Variants in DIS3 observed in about 807,000 individuals in gnomAD.
DIS3 encodes DIS3 exosome endoribonuclease and 3'-5' exoribonuclease.
DIS3 carries 103 observed loss-of-function variants against 113.0 expected under a neutral mutation model. That is an observed-to-expected ratio of 0.91 (90% CI 0.78 to 1.07). The LOEUF is 1.07. Among genes scored for constraint, DIS3 ranks in the 50% least tolerant of loss-of-function variants. The pLI is 0.00. For missense variants in DIS3, 1,121 were observed against 1,167.1 expected, an observed-to-expected ratio of 0.96 and a Z score of 0.58; for synonymous variants, 402 against 394.3, an observed-to-expected ratio of 1.02 and a Z score of -0.23.
intron 8 of DIS3, 78 bp downstream of exon 8, chr13:72,773,606 G>GT (rs2033936834): frequency 1.4e-6 from 2 of 1,450,666 alleles, no homozygotes; most frequent in South Asian, 1.4e-5. Context: ...AAAGTAGATT[G>GT]TTTTTATTAA....
Position 72,780,856 on chromosome 13 carries a change from C to T in DIS3, c.376G>A (p.Glu126Lys), listed in dbSNP as rs550068446. The change falls in exon 2 of 21, where the codon GAG (glutamate) becomes AAG (lysine). Residue 126 changes from glutamate to lysine, a missense_variant. Glu to Lys is a moderately conservative substitution (Grantham distance 56, BLOSUM62 1). Around this residue, in one of 3 missense-constraint regions of DIS3, gnomAD observed 254 missense variants for 232.2 expected, o/e 1.09. Transcript: ENST00000377767. The part of the protein sequence containing the change: ...QEKHFYTFTN[E>K]HHRETYVEQE... The stretch of plus-strand genomic sequence containing the variant: ...TAATATTCCTCCTACCTATGGTGCT[C>T]ATTAGTGAAAGTATAGAAATGCTTC... 6.2e-7 allele frequency: 1 copy of T among 1,606,920 alleles called. No individual in the cohort carries two copies. The highest frequency in any genetic ancestry group is 1.3e-5 in the African/African-American group (1 of 74,330).
At chr13:72,772,608 A>G in intron 9 of DIS3, 85 bp downstream of exon 9, 1 of 1,413,528 alleles carries the variant, frequency 7.1e-7, no homozygotes, top group East Asian at 2.4e-5. Context: ...TGGTGTCTAC[A>G]TATTTAAAAA....
At position 72,763,598 on chromosome 13, in the gene DIS3, A is replaced by G. The variant is rs1366500708; in HGVS notation, c.1980T>C (p.Asn660=). Reference sequence around the variant, plus strand: ...GTAACATAAATTCTTCAACCATGGAATTTGTTTCCCTGCCAATGGAAAAAG... The same window carrying G: ...GTAACATAAATTCTTCAACCATGGAGTTTGTTTCCCTGCCAATGGAAAAAG... ...DLQTKELRET[N]SMVEEFMLLA... is the part of the protein sequence containing the mutation. Residue 660 remains asparagine (N), a synonymous_variant, in exon 16 of 21, where the codon AAT becomes AAC. Transcript: ENST00000377767. 3 of 1,610,598 alleles carry G rather than the reference A, an allele frequency of 1.9e-6. No individual in the cohort carries two copies. Among genetic ancestry groups the G allele is most frequent in the Admixed American group, 3.4e-5 (2 of 59,342 alleles).
chr13:72,753,627 C>T lies in DIS3; in HGVS notation c.*6168G>A, dbSNP rs2033342796. The T allele has an allele frequency of 2.0e-6, 3 of 1,504,976 alleles. No individual in the cohort carries two copies. In the East Asian group the frequency reaches 6.8e-5, roughly 34 times the overall value. 93.2% of individuals were successfully genotyped at this position (1,504,976 alleles called of 1,614,324 possible). A position where few individuals can be genotyped will look rare whatever the true frequency, so the allele number is the denominator to read the frequency against. On this transcript the variant is annotated 3_prime_UTR_variant, in exon 21 of 21. Transcript: ENST00000377767. ...GTGAATGAGAGTTTATAGTGGTTTA[C>T]TTATTTAAATATTTGACTTTTAAGT...
chr13:72,760,547 C>T lies in DIS3; in HGVS notation c.2775G>A (p.Met925Ile). Residue 925 changes from methionine (M) to isoleucine (I), a missense_variant, in exon 20 of 21, where the codon ATG becomes ATA. By Grantham distance (10) the Met-to-Ile change is conservative. Around this residue, in one of 3 missense-constraint regions of DIS3, gnomAD observed 861 missense variants for 915.5 expected, o/e 0.94. Transcript: ENST00000377767. ...GCCTTACCTGTGGTTCTACCAGGGA[C>T]ATTCGGATCTTCTGATGTTGAAGAT... ...SSNLQHQKIR[M>I]SLVEPQIPGI... 6.2e-7 allele frequency: 1 copy of T among 1,613,586 alleles called. No homozygotes were observed. Among genetic ancestry groups the T allele is most frequent in the Non-Finnish European group, 8.5e-7 (1 of 1,179,664 alleles).
intron 2 of DIS3, 41 bp from the exon 3 acceptor site, chr13:72,778,421 A>G (rs866839201): frequency 6.7e-7 from 1 of 1,497,242 alleles, no homozygotes; most frequent in Middle Eastern, 1.9e-4. Context: ...AAATCAGTAG[A>G]AACAAGGATA....
intron 20 of DIS3, 86 bp downstream of exon 20, chr13:72,760,443 T>C: frequency 1.3e-6 from 2 of 1,548,572 alleles, no homozygotes; most frequent in Non-Finnish European, 1.8e-6. Context: ...CCCTCTAACA[T>C]TAAACAGAAA....
chr13:72,772,294 TA>T lies in DIS3; in HGVS notation c.1387-20del. ...TCATGTCCTAGAAGACATGAAATGA[TA>T]AACAAATAAATTATTTCCAAAGCAC... On this transcript the variant is annotated intron_variant, in intron 9 of 20. Coordinates refer to ENST00000377767, the MANE Select transcript of DIS3 (RefSeq NM_014953.5). 1.3e-6 allele frequency: 2 copies of T among 1,546,844 alleles called. No individual in the cohort carries two copies. Among genetic ancestry groups the T allele is most frequent in the South Asian group, 1.1e-5 (1 of 87,404 alleles).
chr13:72,756,007 T>C lies in DIS3; in HGVS notation c.*3788A>G. Reference sequence around the variant, plus strand: ...GTGGAGTTCCCGTAGGGCATAGGCCTGTGAAGTAACACTGGGGCAGATATG... The same window carrying C: ...GTGGAGTTCCCGTAGGGCATAGGCCCGTGAAGTAACACTGGGGCAGATATG... On this transcript the variant is annotated 3_prime_UTR_variant, in exon 21 of 21. Coordinates refer to ENST00000377767, the MANE Select transcript of DIS3 (RefSeq NM_014953.5). 2 of 398,502 alleles carry C rather than the reference T, an allele frequency of 5.0e-6. No homozygotes were observed. Among genetic ancestry groups the C allele is most frequent in the African/African-American group, 4.1e-5 (2 of 48,754 alleles). The allele number at this position is 398,502 out of a possible 1,614,324, so 24.7% of individuals were successfully genotyped here. A position where few individuals can be genotyped will look rare whatever the true frequency, so the allele number is the denominator to read the frequency against.
chr13:72,770,846 T>G (rs1226521769), intron 13 of DIS3, 58 bp downstream of exon 13: 1 of 1,263,698 alleles, frequency 7.9e-7, no homozygotes, highest in Non-Finnish European at 1.1e-6. Flanking sequence ...TTATTTAGCT[T>G]TTTTCAAAAA....
rs750208728 is a variant in DIS3 at position 72,768,851 on chromosome 13, A to G, written c.1817T>C (p.Ile606Thr). ...RIDSANMNDD[I>T]TTSLRGLNKL... The stretch of plus-strand genomic sequence containing the variant: ...ATTCAGTCCACGGAGACTAGTGGTA[A>G]TATCATCATTCATGTTTGCTGAATC... Residue 606 changes from isoleucine (I) to threonine (T), a missense_variant, in exon 14 of 21, where the codon ATT becomes ACT. Ile to Thr is a moderately conservative substitution (Grantham distance 89). Coordinates refer to ENST00000377767, the MANE Select transcript of DIS3 (RefSeq NM_014953.5). 3.1e-6 allele frequency: 5 copies of G among 1,608,382 alleles called. No homozygotes were observed. Among genetic ancestry groups the G allele is most frequent in the East Asian group, 4.5e-5 (2 of 44,732 alleles).
chr13:72,775,448 CAG>C lies in DIS3; in HGVS notation c.823-75_823-74del, dbSNP rs2033991351. On this transcript the variant is annotated intron_variant, in intron 5 of 20. Transcript: ENST00000377767. ...ATATAATAAAGGGAAGATCATCTAA[CAG>C]ATATTTACATACACTCTGAATATCT... 5 of 1,432,094 alleles carry C rather than the reference CAG, an allele frequency of 3.5e-6. No individual in the cohort carries two copies. In the East Asian group the frequency reaches 1.2e-4, roughly 35 times the overall value. The allele number at this position is 1,432,094 out of a possible 1,614,324, so 88.7% of individuals were successfully genotyped here.
Position 72,760,664 on chromosome 13 carries a change from C to T in DIS3, c.2671-13G>A. ...TAAGTGAGGGTATCTAAACAAAACA[C>T]ATTTTATCATTCTTAATTGCTTCCT... is the stretch of plus-strand genomic sequence containing the variant. On this transcript the variant is annotated splice_polypyrimidine_tract_variant and intron_variant, in intron 19 of 20. Coordinates refer to ENST00000377767, the MANE Select transcript of DIS3 (RefSeq NM_014953.5). 1.9e-6 allele frequency: 3 copies of T among 1,609,134 alleles called. No individual in the cohort carries two copies. The highest frequency in any genetic ancestry group is 2.5e-6 in the Non-Finnish European group (3 of 1,177,854).
intron 15 of DIS3, 117 bp downstream of exon 15, chr13:72,765,855 A>G: frequency 1.4e-6 from 1 of 728,298 alleles, no homozygotes; most frequent in Non-Finnish European, 2.0e-6. Context: ...AATAAAGTAG[A>G]AATCATGACC....
chr13:72,771,443 A>G (rs1215078914), intron 11 of DIS3, among the ~76,000 whole-genome samples: 3 of 152,164 alleles, frequency 2.0e-5, no homozygotes, highest in East Asian at 1.9e-4. Flanking sequence ...TCTGGTCTGT[A>G]TAAGTTTATA....
At chr13:72,779,729 T>C (rs966852411) in intron 2 of DIS3, among the ~76,000 whole-genome samples, 14 of 151,590 alleles carry the variant, frequency 9.2e-5, no homozygotes, top group Non-Finnish European at 4.4e-5. Context: ...CTCAGGGCAT[T>C]TTGTATCATT....
chr13:72,775,959 AC>A lies in DIS3; in HGVS notation c.787del (p.Val263TyrfsTer13). 2 of 1,611,164 alleles carry A rather than the reference AC, an allele frequency of 1.2e-6. No individual in the cohort carries two copies. Among genetic ancestry groups the A allele is most frequent in the Non-Finnish European group, 1.7e-6 (2 of 1,179,220 alleles). ...TTCTTCATTGTCGCCATGAATCCAT[AC>A]TGTAGCTTCCAAGTAATTTTCCCTG... ...ASRENYLEAT[V>X]WIHGDNEENK... On this transcript the variant is annotated frameshift_variant, in exon 5 of 21. Transcript: ENST00000377767. LOFTEE classifies it high-confidence loss of function.
Position 72,757,756 on chromosome 13 carries a change from T to TG in DIS3, c.*2038dup. On this transcript the variant is annotated 3_prime_UTR_variant, in exon 21 of 21. Transcript: ENST00000377767. ...AACTTTTTTAAATGGTTGGCGGGGG[T>TG]GGGGGAAATCAAATGAGTAATGTTT... 1 of 194,002 alleles carries TG rather than the reference T, an allele frequency of 5.2e-6. No individual in the cohort carries two copies. The highest frequency in any genetic ancestry group is 1.1e-5 in the Non-Finnish European group (1 of 92,990). 12.0% of individuals were successfully genotyped at this position (194,002 alleles called of 1,614,324 possible).
Position 72,763,493 on chromosome 13 carries a change from A to T in DIS3, c.2085T>A (p.Pro695=), listed in dbSNP as rs781595195. 4 of 1,613,798 alleles carry T rather than the reference A, an allele frequency of 2.5e-6. No individual in the cohort carries two copies. Among genetic ancestry groups the T allele is most frequent in the Non-Finnish European group, 2.5e-6 (3 of 1,179,928 alleles). The change falls in exon 16 of 21, where the codon CCT becomes CCA. Residue 695 remains proline, a synonymous_variant. Coordinates refer to ENST00000377767, the MANE Select transcript of DIS3 (RefSeq NM_014953.5). ...TAACAAGAATTTCATAATTTGATGG[A>T]GGTGGAGCAGGATGTTTTCGAAGCA... The part of the protein sequence containing the change: ...HALLRKHPAP[P]PSNYEILVKA...
Sources: allele counts gnomAD v4.1 joint callset (sites outside exome capture counted in the v4.1 genomes callset), GRCh38; gene constraint gnomAD v4.1.1; regional missense constraint gnomAD v4.1.1; transcripts MANE v1.5; gene names NCBI Gene and HGNC (gene_info 2026-07-23, HGNC 2026-07-21).